The following GLIS1 variants were observed in gnomAD, a reference collection of about 807,000 sequenced individuals.
GLIS1 encodes the protein GLIS family zinc finger 1, also known as zinc finger protein GLIS1.
In GLIS1, 24 loss-of-function variants were observed where a neutral mutation model predicts 63.8. The observed-to-expected ratio is 0.38, with a 90% CI of 0.27 to 0.53. The LOEUF (loss-of-function observed/expected upper bound fraction) is 0.53. Among genes scored for constraint, GLIS1 ranks in the 20% least tolerant of loss-of-function variants. GLIS1 has a pLI of 0.85. For synonymous variants in GLIS1, 450 were observed against 482.5 expected, an observed-to-expected ratio of 0.93 and a Z score of 0.88; for missense variants, 1,036 against 1,074.1, an observed-to-expected ratio of 0.96 and a Z score of 0.50.
intron 2 of GLIS1, among the ~76,000 whole-genome samples, chr1:53,610,174 T>C (rs1409559809): frequency 6.6e-6 from 1 of 152,390 alleles, no homozygotes. Context: ...TCTACATATA[T>C]TTTTAAATCG....
chr1:53,515,079 ATGTGTGTGTGTG>A (rs5774151), intron 7 of GLIS1, among the ~76,000 whole-genome samples: 290 of 142,090 alleles, frequency 2.0e-3, no homozygotes, highest in African/African-American at 6.9e-3. Flanking sequence ...GTGTGTGTAT[ATGTGTGTGTGTG>A]TGTGTGTGTG....
At chr1:53,601,801 C>G (rs990170417) in intron 2 of GLIS1, among the ~76,000 whole-genome samples, 8 of 152,212 alleles carry the variant, frequency 5.3e-5, no homozygotes, top group African/African-American at 1.4e-4. Context: ...GGATCCCTGT[C>G]CCTCAACCCT....
intron 5 of GLIS1, among the ~76,000 whole-genome samples, chr1:53,525,297 G>A (rs1644454498): frequency 6.6e-6 from 1 of 151,136 alleles, no homozygotes; most frequent in African/African-American, 2.4e-5. Flanking sequence ...GAGGAGGAGA[G>A]GGGAAGGGGG....
chr1:53,595,444 C>T (rs1342909765), intron 3 of GLIS1, among the ~76,000 whole-genome samples: 1 of 152,126 alleles, frequency 6.6e-6, no homozygotes, highest in African/African-American at 2.4e-5. Flanking sequence ...TGCTTGAGCC[C>T]AGGAGGTTGA....
intron 3 of GLIS1, 96 bp downstream of exon 3, chr1:53,600,004 CA>C (rs1645299751): frequency 3.0e-6 from 2 of 665,010 alleles, no homozygotes; most frequent in Non-Finnish European, 4.3e-6. Context: ...TCCATTTCCC[CA>C]TGTGTCCCCC....
intron 2 of GLIS1, among the ~76,000 whole-genome samples, chr1:53,622,284 T>C (rs1203507397): frequency 6.6e-6 from 1 of 151,436 alleles, no homozygotes; most frequent in African/African-American, 2.4e-5. Flanking sequence ...AAATACTAGC[T>C]GGGTGTGGTG....
chr1:53,611,721 T>G (rs1300681779), intron 2 of GLIS1, among the ~76,000 whole-genome samples: 2 of 152,266 alleles, frequency 1.3e-5, no homozygotes, highest in Admixed American at 1.3e-4. Context: ...GGTCCTCAAC[T>G]GAAAGTTTGG....
chr1:53,681,362 C>G (rs1036783592), intron 2 of GLIS1, among the ~76,000 whole-genome samples: 36 of 152,228 alleles, frequency 2.4e-4, no homozygotes, highest in African/African-American at 7.7e-4. Flanking sequence ...AGGGCCTCAT[C>G]ATCTGCTGCC....
intron 8 of GLIS1, among the ~76,000 whole-genome samples, chr1:53,512,934 T>C (rs1033020023): frequency 1.3e-5 from 2 of 152,128 alleles, no homozygotes; most frequent in African/African-American, 4.8e-5. Context: ...CTGTGCCAGG[T>C]GAGGCACACA....
At chr1:53,707,994 A>C (rs1646597972) in intron 2 of GLIS1, among the ~76,000 whole-genome samples, 1 of 150,950 alleles carries the variant, frequency 6.6e-6, no homozygotes, top group African/African-American at 2.4e-5. Context: ...CTGAAAGGAA[A>C]GCAAAGCACC....
chr1:53,536,804 C>T (rs915884665), intron 4 of GLIS1, among the ~76,000 whole-genome samples: 22 of 152,192 alleles, frequency 1.4e-4, no homozygotes, highest in African/African-American at 4.3e-4. Context: ...CCAGAGCTGA[C>T]GCTGGGAAGG....
At chr1:53,677,142 A>T (rs1007674005) in intron 2 of GLIS1, among the ~76,000 whole-genome samples, 1 of 152,244 alleles carries the variant, frequency 6.6e-6, no homozygotes, top group Non-Finnish European at 1.5e-5. Flanking sequence ...ACAGACGCAC[A>T]TTAGGGGTAT....
At chr1:53,553,408 C>A (rs537844052) in intron 4 of GLIS1, among the ~76,000 whole-genome samples, 148 of 152,282 alleles carry the variant, frequency 9.7e-4, no homozygotes, top group Non-Finnish European at 1.8e-3. Flanking sequence ...GACCCATCCA[C>A]CCACCCATCC....
intron 2 of GLIS1, among the ~76,000 whole-genome samples, chr1:53,675,024 G>A (rs545230293): frequency 1.7e-4 from 26 of 152,262 alleles, no homozygotes; most frequent in Non-Finnish European, 7.4e-5. Flanking sequence ...GCACACACTC[G>A]GTGAATTCAG....
intron 2 of GLIS1, among the ~76,000 whole-genome samples, chr1:53,656,323 A>G (rs1315221490): frequency 6.6e-6 from 1 of 152,212 alleles, no homozygotes; most frequent in Non-Finnish European, 1.5e-5. Context: ...AGGAGTCTGC[A>G]TCTTCTCCTC....
At chr1:53,547,650 C>T (rs1030190740) in intron 4 of GLIS1, among the ~76,000 whole-genome samples, 3 of 152,212 alleles carry the variant, frequency 2.0e-5, no homozygotes, top group Non-Finnish European at 2.9e-5. Flanking sequence ...AACATATTTG[C>T]GAAGGCCAAC....
In GLIS1 at chr1:53,509,721, C is replaced by G. The variant is rs1041923690; in HGVS notation, c.2062+128G>C. On this transcript the variant is annotated intron_variant, in intron 9 of 10. Transcript: ENST00000628545. ...CCCCTGTCTCCTAGCTTCTCTCAGCCCCCAGTGCCCAGCCGGTCATTCTCT... is the reference window on the plus strand; with the variant it reads ...CCCCTGTCTCCTAGCTTCTCTCAGCGCCCAGTGCCCAGCCGGTCATTCTCT... 2.8e-5 allele frequency: 15 copies of G among 542,258 alleles called. No individual in the cohort carries two copies. The African/African-American group carries it at 2.9e-4, about 11-fold the overall frequency. 33.6% of individuals were successfully genotyped at this position (542,258 alleles called of 1,614,324 possible).
chr1:53,586,109 A>G (rs1645132092), intron 4 of GLIS1, among the ~76,000 whole-genome samples: 1 of 152,084 alleles, frequency 6.6e-6, no homozygotes, highest in African/African-American at 2.4e-5. Flanking sequence ...GCTCTGACCT[A>G]ATTGCAAGGC....
chr1:53,654,547 C>T (rs1266073950), intron 2 of GLIS1, among the ~76,000 whole-genome samples: 1 of 152,142 alleles, frequency 6.6e-6, no homozygotes, highest in African/African-American at 2.4e-5. Flanking sequence ...TTCAAAGCCA[C>T]GGCCTGGATG....
Sources: allele counts gnomAD v4.1 joint callset (sites outside exome capture counted in the v4.1 genomes callset), GRCh38; gene constraint gnomAD v4.1.1; transcripts MANE v1.5; gene names NCBI Gene and HGNC (gene_info 2026-07-23, HGNC 2026-07-21).